ZC3H12B: variants seen among roughly 807,000 people sequenced by gnomAD.
ZC3H12B encodes probable ribonuclease ZC3H12B.
In ZC3H12B, 7 loss-of-function variants were observed where a neutral mutation model predicts 43.9. The ratio of observed to expected loss-of-function variants is 0.16; its 90% CI spans 0.09 to 0.30. The LOEUF (loss-of-function observed/expected upper bound fraction) is 0.30. Ranked by LOEUF, ZC3H12B falls within the 10% of genes least tolerant of loss-of-function variation. The pLI, the probability that ZC3H12B is intolerant of heterozygous loss-of-function variation, is 1.00. For missense variants in ZC3H12B, 475 were observed against 670.2 expected, an observed-to-expected ratio of 0.71 and a Z score of 3.22; for synonymous variants, 222 against 241.7, an observed-to-expected ratio of 0.92 and a Z score of 0.76.
chrX:65,383,511 C>T (rs941623405), intron 2 of ZC3H12B, among the ~76,000 whole-genome samples: 4 of 111,718 alleles, frequency 3.6e-5, no homozygotes, highest in African/African-American at 1.3e-4. Flanking sequence ...TAGAAGTAAA[C>T]CTAGGCATTA....
At chrX:65,261,495 C>A in the ZC3H12B span, among the ~76,000 whole-genome samples, 1 of 111,173 alleles carries the variant, frequency 9.0e-6, no homozygotes, top group Non-Finnish European at 1.9e-5. Context: ...TTTCAGTGAT[C>A]TCTCTTAATC....
chrX:65,437,327 A>G lies in ZC3H12B; in HGVS notation n.407+38623A>G, dbSNP rs1231674120. Among the ~76,000 whole-genome samples the G allele has an allele frequency of 4.5e-5, 5 of 111,743 alleles. No individual in the cohort carries two copies. In the Admixed American group the frequency reaches 4.7e-4, roughly 11 times the overall value. On this transcript the variant is annotated intron_variant and non_coding_transcript_variant, in intron 3 of 5. Coordinates refer to the ZC3H12B transcript ENST00000617377. The stretch of plus-strand genomic sequence containing the variant: ...ATACCCTTCCCAACCCCTGATAATA[A>G]TTCTTCTACCCTCCATCTCCATGAA...
intron 3 of ZC3H12B, chrX:65,469,987 A>G (rs7052679): frequency 0.13 from 14,702 of 111,967 alleles, 2,385 homozygotes; most frequent in African/African-American, 0.45. Context: ...AACAAAAACA[A>G]AAAAACAAAA....
the ZC3H12B span, among the ~76,000 whole-genome samples, chrX:65,191,894 G>A: frequency 1.9e-5 from 2 of 102,573 alleles, no homozygotes; most frequent in Admixed American, 2.1e-4. Flanking sequence ...TGTGATGTTA[G>A]GGTGTCAATT....
At chrX:65,406,803 G>T (rs1047474071) in intron 3 of ZC3H12B, among the ~76,000 whole-genome samples, 34 of 112,478 alleles carry the variant, frequency 3.0e-4, no homozygotes, top group Non-Finnish European at 5.7e-5. Flanking sequence ...AGCCGACTGC[G>T]CCACCCCACC....
At chrX:65,145,432 G>A in the ZC3H12B span, among the ~76,000 whole-genome samples, 98 of 111,484 alleles carry the variant, frequency 8.8e-4, no homozygotes, top group African/African-American at 3.0e-3. Context: ...CTGCAATTCT[G>A]TATCTTTTAA....
the ZC3H12B span, among the ~76,000 whole-genome samples, chrX:65,115,198 GCCACCCC>G: frequency 9.4e-6 from 1 of 106,903 alleles, no homozygotes; most frequent in Non-Finnish European, 1.9e-5. Context: ...TTTATCCCTC[GCCACCCC>G]CCACCCTTTT....
chrX:65,338,941 A>C, the ZC3H12B span, among the ~76,000 whole-genome samples: 1 of 112,396 alleles, frequency 8.9e-6, no homozygotes, highest in East Asian at 2.8e-4. Flanking sequence ...AGTATTCTTC[A>C]TAAGAACTGG....
the ZC3H12B span, among the ~76,000 whole-genome samples, chrX:65,171,372 C>G: frequency 1.8e-5 from 2 of 110,890 alleles, no homozygotes; most frequent in Non-Finnish European, 1.9e-5. Context: ...TGCAGAACGG[C>G]AAATAGTGCT....
chrX:65,079,989 G>A, the ZC3H12B span, among the ~76,000 whole-genome samples: 1 of 110,714 alleles, frequency 9.0e-6, no homozygotes, highest in African/African-American at 3.3e-5. Flanking sequence ...CATGGAGTTG[G>A]AATTCAGATT....
chrX:65,261,123 G>A, the ZC3H12B span, among the ~76,000 whole-genome samples: 80 of 111,783 alleles, frequency 7.2e-4, no homozygotes, highest in African/African-American at 2.5e-3. Flanking sequence ...GCTAACCATA[G>A]AGATTAACAT....
the ZC3H12B span, among the ~76,000 whole-genome samples, chrX:65,194,420 T>G: frequency 9.0e-6 from 1 of 110,562 alleles, no homozygotes; most frequent in African/African-American, 3.3e-5. Context: ...AAATAAAAAT[T>G]TATTTATTGA....
chrX:65,340,099 C>A, the ZC3H12B span, among the ~76,000 whole-genome samples: 2 of 111,819 alleles, frequency 1.8e-5, no homozygotes, highest in African/African-American at 6.5e-5. Context: ...CAGAGTGAAA[C>A]AAGTGAAAGA....
chrX:65,158,386 C>T, the ZC3H12B span, among the ~76,000 whole-genome samples: 1 of 111,516 alleles, frequency 9.0e-6, no homozygotes, highest in African/African-American at 3.3e-5. Flanking sequence ...TACAGTCCCA[C>T]CAACAGTGTA....
At chrX:65,103,821 TA>T in the ZC3H12B span, among the ~76,000 whole-genome samples, 1 of 111,855 alleles carries the variant, frequency 8.9e-6, no homozygotes, top group African/African-American at 3.3e-5. Flanking sequence ...GAAGAATCAG[TA>T]TTGTGAAAAT....
At chrX:65,147,963 A>C in the ZC3H12B span, among the ~76,000 whole-genome samples, 2 of 109,454 alleles carry the variant, frequency 1.8e-5, no homozygotes, top group Non-Finnish European at 3.8e-5. Flanking sequence ...CTAGATTTTC[A>C]AGGCCTTGGT....
the ZC3H12B span, among the ~76,000 whole-genome samples, chrX:65,102,105 A>T: frequency 8.9e-6 from 1 of 112,124 alleles, no homozygotes; most frequent in East Asian, 2.8e-4. Context: ...AATGTAATCC[A>T]TCACATAAAC....
At chrX:65,080,847 TG>T in the ZC3H12B span, among the ~76,000 whole-genome samples, 1 of 111,713 alleles carries the variant, frequency 9.0e-6, no homozygotes, top group Non-Finnish European at 1.9e-5. Flanking sequence ...CATGTCACTG[TG>T]GTATGTAAAC....
chrX:65,442,922 C>T (rs948965411), intron 3 of ZC3H12B, among the ~76,000 whole-genome samples: 2 of 110,933 alleles, frequency 1.8e-5, no homozygotes, highest in African/African-American at 3.3e-5. Context: ...AGCCATCGCT[C>T]GAGGCGCTGC....
Sources: allele counts gnomAD v4.1 joint callset (sites outside exome capture counted in the v4.1 genomes callset), GRCh38; gene constraint gnomAD v4.1.1; transcripts MANE v1.5; gene names NCBI Gene and HGNC (gene_info 2026-07-23, HGNC 2026-07-21).